The following IRS4 variants were observed in gnomAD, a reference collection of about 807,000 sequenced individuals.
IRS4 encodes 160 kDa phosphotyrosine protein.
IRS4 carries 15 observed loss-of-function variants against 48.6 expected under a neutral mutation model. The observed-to-expected ratio is 0.31, with a 90% confidence interval of 0.21 to 0.48. The LOEUF (loss-of-function observed/expected upper bound fraction) is 0.48, where lower values mean the gene tolerates loss of function less well. Among genes scored for constraint, IRS4 ranks in the 20% least tolerant of loss-of-function variants. The probability of loss-of-function intolerance (pLI) is 0.99; values close to 1 mark genes in which losing one functional copy is unlikely to be tolerated. For missense variants in IRS4, 987 were observed against 1,023.4 expected, an observed-to-expected ratio of 0.96 and a Z score of 0.49; for synonymous variants, 459 against 413.2, an observed-to-expected ratio of 1.11 and a Z score of -1.34.
chrX:108,722,587 C>T, intron 1 of IRS4, 64 bp from the exon 2 acceptor site: 2 of 302,398 alleles, frequency 6.6e-6, no homozygotes, highest in Admixed American at 3.7e-5. Flanking sequence ...GTCACCCCCA[C>T]CCTGTTTTAA....
At chrX:108,725,084 A>T (rs911764033) in intron 1 of IRS4, 3 of 111,315 alleles carry the variant, frequency 2.7e-5, no homozygotes, top group African/African-American at 9.8e-5. Context: ...TTAATACGCT[A>T]ATAATGCACA....
chrX:108,726,692 T>C (rs2068877479), intron 1 of IRS4: 1 of 112,272 alleles, frequency 8.9e-6, no homozygotes, highest in Admixed American at 9.4e-5. Context: ...TTATTAATCA[T>C]AGGAGAAAAA....
intron 1 of IRS4, among the ~76,000 whole-genome samples, chrX:108,730,879 A>G (rs1255654777): frequency 8.9e-6 from 1 of 112,503 alleles, no homozygotes; most frequent in African/African-American, 3.2e-5. Context: ...GGTGTCTTCA[A>G]TAGTTAGACT....
chrX:108,729,757 A>G (rs1165850720), intron 1 of IRS4, among the ~76,000 whole-genome samples: 1 of 112,159 alleles, frequency 8.9e-6, no homozygotes, highest in Non-Finnish European at 1.9e-5. Context: ...ACATGAGAAC[A>G]GCTGTCTCAC....
In IRS4 at chrX:108,736,282, C is replaced by CGCCGCTGCT; in HGVS notation, c.54_62dup (p.Ala23_Ala25dup). ...CCACTGCTGCTAGAGCTGCCGCTGCCGCCGCTGCTGCACCTCTTAGTCTTC... is the reference window on the plus strand; with the variant it reads ...CCACTGCTGCTAGAGCTGCCGCTGCCGCCGCTGCTGCCGCTGCTGCACCTCTTAGTCTTC... On this transcript the variant is annotated inframe_insertion, in exon 1 of 2. Coordinates refer to ENST00000372129, the MANE Select transcript of IRS4 (RefSeq NM_001379150.1). 8.3e-7 allele frequency: 1 copy of CGCCGCTGCT among 1,208,036 alleles called. No individual in the cohort carries two copies.
intron 1 of IRS4, among the ~76,000 whole-genome samples, chrX:108,729,254 A>G (rs1172489660): frequency 9.5e-6 from 1 of 105,410 alleles, no homozygotes; most frequent in Non-Finnish European, 1.9e-5. Context: ...TCATGGTGAT[A>G]ACAGTGTCTA....
rs144557303 is a variant in IRS4 at position 108,733,585 on chromosome X, G to C, written c.2760C>G (p.Asp920Glu). The stretch of plus-strand genomic sequence containing the variant: ...TTTTAGTGAAGTCCATGTTGACGTA[G>C]TCACTAGAGCTGTCAGCTTCTCTCT... ...HEQREADSSS[D>E]YVNMDFTKRE... is the part of the protein sequence containing the mutation. The change falls in exon 1 of 2, where the codon GAC becomes GAG. Residue 920 changes from aspartate to glutamate, a missense_variant. Physicochemically the swap from Asp to Glu is conservative, Grantham distance 45 (BLOSUM62 2). Transcript: ENST00000372129. The C allele has an allele frequency of 7.4e-6, 9 of 1,210,541 alleles. No individual in the cohort carries two copies. In the African/African-American group the frequency reaches 1.6e-4, roughly 21 times the overall value.
At chrX:108,723,355 G>A (rs1035383660) in intron 1 of IRS4, 19 of 111,777 alleles carry the variant, frequency 1.7e-4, no homozygotes, top group Admixed American at 1.5e-3. Flanking sequence ...CTCATCAAAG[G>A]TTTTACAATT....
intron 1 of IRS4, among the ~76,000 whole-genome samples, chrX:108,728,203 A>C (rs971353327): frequency 8.9e-6 from 1 of 111,958 alleles, no homozygotes; most frequent in Non-Finnish European, 1.9e-5. Flanking sequence ...TCCCTATATC[A>C]GATTTAAAAC....
In IRS4 at chrX:108,735,411, C is replaced by T; in HGVS notation, c.934G>A (p.Asp312Asn). 1 of 1,211,213 alleles carries T rather than the reference C, an allele frequency of 8.3e-7. No homozygotes were observed. Among genetic ancestry groups the T allele is most frequent in the Non-Finnish European group, 1.1e-6 (1 of 895,452 alleles). The change falls in exon 1 of 2, where the codon GAT becomes AAT. Residue 312 changes from aspartate to asparagine, a missense_variant. By Grantham distance (23) the Asp-to-Asn change is conservative. Transcript: ENST00000372129. Reference protein sequence around the residue: ...IGPGELWMQVDDCVVAQNMHE... With the variant: ...IGPGELWMQVNDCVVAQNMHE... Reference sequence around the variant, plus strand: ...ATGTTTTGGGCAACCACACAGTCATCGACCTGCATCCAGAGCTCTCCCGGA... The same window carrying T: ...ATGTTTTGGGCAACCACACAGTCATTGACCTGCATCCAGAGCTCTCCCGGA...
chrX:108,730,756 T>C (rs1398981725), intron 1 of IRS4, among the ~76,000 whole-genome samples: 2 of 112,253 alleles, frequency 1.8e-5, no homozygotes, highest in Non-Finnish European at 3.8e-5. Flanking sequence ...AACAGTAAGA[T>C]TTCACTATTT....
Position 108,733,010 on chromosome X carries a change from A to G in IRS4, c.3335T>C (p.Leu1112Pro). Residue 1112 changes from leucine to proline, a missense_variant, in exon 1 of 2, where the codon CTT becomes CCT. By Grantham distance (98) the Leu-to-Pro change is moderately conservative (BLOSUM62 -3). Around this residue, in one of 4 missense-constraint regions of IRS4, gnomAD observed 720 missense variants for 660.3 expected, o/e 1.09. Coordinates refer to ENST00000372129, the MANE Select transcript of IRS4 (RefSeq NM_001379150.1). ...GACAGCCGGGGCTGAGGATGGGGAA[A>G]GGTCTCTCTCGAGGCTGTCTGTTGG... is the stretch of plus-strand genomic sequence containing the variant. Reference protein sequence around the residue: ...AFPTDSLERDLSPSSAPAVAS... With the variant: ...AFPTDSLERDPSPSSAPAVAS... 4 of 1,209,905 alleles carry G rather than the reference A, an allele frequency of 3.3e-6. No individual in the cohort carries two copies. Among genetic ancestry groups the G allele is most frequent in the Non-Finnish European group, 4.5e-6 (4 of 894,059 alleles).
chrX:108,730,427 C>T (rs1287806232), intron 1 of IRS4, among the ~76,000 whole-genome samples: 4 of 103,928 alleles, frequency 3.8e-5, no homozygotes, highest in African/African-American at 1.1e-4. Context: ...TTGCAAGAAA[C>T]TGAATCAGTT....
At chrX:108,725,460 C>CAAAAAAAAAAAAAAAAAAAAAAAAA (rs397968164) in intron 1 of IRS4, among the ~76,000 whole-genome samples, 1 of 59,851 alleles carries the variant, frequency 1.7e-5, no homozygotes, top group African/African-American at 7.3e-5. Context: ...AGTAAAGCAC[C>CAAAAAAAAAAAAAAAAAAAAAAAAA]AAAAAAAAAA....
intron 1 of IRS4, chrX:108,724,016 T>C (rs921819119): frequency 1.8e-5 from 2 of 112,507 alleles, no homozygotes; most frequent in African/African-American, 6.5e-5. Context: ...CCTAGTTTAG[T>C]TTACTATTTT....
Position 108,733,160 on chromosome X carries a change from G to A in IRS4, c.3185C>T (p.Pro1062Leu). ...AGGTGGTGGTTCAGAACATCGGCTG[G>A]GGGAGAGAGAAATATCCATACAGCA... is the stretch of plus-strand genomic sequence containing the variant. Reference protein sequence around the residue: ...SECCMDISLSPSRCSEPPPVA... With the variant: ...SECCMDISLSLSRCSEPPPVA... Residue 1062 changes from proline (P) to leucine (L), a missense_variant, in exon 1 of 2, where the codon CCC becomes CTC. This residue lies in a region of IRS4 where 720 missense variants were observed against 660.3 expected (regional missense o/e 1.09). Coordinates refer to ENST00000372129, the MANE Select transcript of IRS4 (RefSeq NM_001379150.1). 8.3e-7 allele frequency: 1 copy of A among 1,210,664 alleles called. No individual in the cohort carries two copies. The highest frequency in any genetic ancestry group is 1.1e-6 in the Non-Finnish European group (1 of 894,463).
rs778907991 is a variant in IRS4 at position 108,734,891 on chromosome X, C to T, written c.1454G>A (p.Gly485Asp). The T allele has an allele frequency of 9.9e-6, 12 of 1,210,453 alleles. No homozygotes were observed. Among genetic ancestry groups the T allele is most frequent in the South Asian group, 8.8e-5 (5 of 56,873 alleles). ...QGKEDQEGSG[G>D]DYMPMNNWGS... ...CCAATTGTTCATAGGCATGTAGTCACCTCCGCTTCCTTCCTGATCTTCTTT... is the reference window on the plus strand; with the variant it reads ...CCAATTGTTCATAGGCATGTAGTCATCTCCGCTTCCTTCCTGATCTTCTTT... Residue 485 changes from glycine to aspartate, a missense_variant, in exon 1 of 2, where the codon GGT becomes GAT. Gly to Asp is a moderately conservative substitution (Grantham distance 94, BLOSUM62 -1). This residue lies in a region of IRS4 where 720 missense variants were observed against 660.3 expected (regional missense o/e 1.09). Coordinates refer to ENST00000372129, the MANE Select transcript of IRS4 (RefSeq NM_001379150.1).
Position 108,734,310 on chromosome X carries a change from G to A in IRS4, c.2035C>T (p.Pro679Ser). 8.3e-7 allele frequency: 1 copy of A among 1,210,772 alleles called. No homozygotes were observed. ...TGGGGACCTCGAGCTGCACCTTCTG[G>A]GATCTCTGCATCTTTCACTTCTTTG... ...EAKEVKDAEI[P>S]EGAARGPHRA... Residue 679 changes from proline to serine, a missense_variant, in exon 1 of 2, where the codon CCA (proline) becomes TCA (serine). By Grantham distance (74) the Pro-to-Ser change is moderately conservative. Transcript: ENST00000372129.
chrX:108,720,280 A>C lies in IRS4; in HGVS notation c.*2239T>G, dbSNP rs1201925649. The stretch of plus-strand genomic sequence containing the variant: ...AAATATTCCATCATTGTTTTTTCTT[A>C]GCAGCATGAACTGATAGCTGGAAGG... On this transcript the variant is annotated 3_prime_UTR_variant, in exon 2 of 2. Transcript: ENST00000372129. 1.8e-5 allele frequency: 2 copies of C among 112,555 alleles called. No individual in the cohort carries two copies. Among genetic ancestry groups the C allele is most frequent in the Admixed American group, 1.9e-4 (2 of 10,615 alleles). 9.3% of individuals were successfully genotyped at this position (112,555 alleles called of 1,213,427 possible).
Sources: allele counts gnomAD v4.1 joint callset (sites outside exome capture counted in the v4.1 genomes callset), GRCh38; gene constraint gnomAD v4.1.1; regional missense constraint gnomAD v4.1.1; transcripts MANE v1.5; gene names NCBI Gene and HGNC (gene_info 2026-07-23, HGNC 2026-07-21).